NPRL3: variants seen among roughly 807,000 people sequenced by gnomAD.
NPRL3 encodes NPR3 like, GATOR1 complex subunit.
Under a neutral mutation model 57.2 loss-of-function variants are expected in NPRL3, and 23 were observed. The observed-to-expected ratio is 0.40, with a 90% CI of 0.29 to 0.57. The LOEUF (loss-of-function observed/expected upper bound fraction) is 0.57, where lower values mean the gene tolerates loss of function less well. Ranked by LOEUF, NPRL3 falls within the 20% of genes least tolerant of loss-of-function variation. NPRL3 has a pLI of 0.42. For missense variants in NPRL3, 691 were observed against 767.1 expected (o/e 0.90, Z 1.17); for synonymous variants, 333 against 321.1 (o/e 1.04, Z -0.39).
At chr16:112,518 T>C (rs1899860546) in intron 6 of NPRL3, 104 bp downstream of exon 6, 2 of 1,185,716 alleles carry the variant, frequency 1.7e-6, no homozygotes. Flanking sequence ...CCCGCCAACA[T>C]CTGTATCATT....
At chr16:100,096 C>G (rs899332979) in intron 8 of NPRL3, among the ~76,000 whole-genome samples, 1 of 152,062 alleles carries the variant, frequency 6.6e-6, no homozygotes, top group Non-Finnish European at 1.5e-5. Context: ...CTCCGGCCTC[C>G]CCAAGGACAC....
intron 2 of NPRL3, among the ~76,000 whole-genome samples, chr16:134,953 G>C (rs924571621): frequency 6.6e-6 from 1 of 151,688 alleles, no homozygotes; most frequent in Admixed American, 6.6e-5. Context: ...CGCCCGCCTC[G>C]GCCTCCCAAA....
At chr16:129,441 C>G (rs1310178737) in intron 3 of NPRL3, among the ~76,000 whole-genome samples, 1 of 152,150 alleles carries the variant, frequency 6.6e-6, no homozygotes, top group Non-Finnish European at 1.5e-5. Context: ...CCTTCCAAAG[C>G]CCACTCCACT....
intron 1 of NPRL3, 86 bp downstream of exon 1, chr16:138,529 AGTAGGGCAGGGGTGGAGGCGGAGGGGG>A (rs1901249158): frequency 8.2e-4 from 1 of 1,220 alleles, no homozygotes; most frequent in Non-Finnish European, 1.3e-3. Flanking sequence ...AGGGGGCCTG[AGTAGGGCAGGGGTGGAGGCGGAGGGGG>A]CCTGAGGAGG....
chr16:130,651 G>T, intron 2 of NPRL3, 60 bp from the exon 3 acceptor site: 2 of 1,497,018 alleles, frequency 1.3e-6, no homozygotes, highest in South Asian at 1.2e-5. Flanking sequence ...ACACACAGGA[G>T]GGTTATGGAA....
At position 138,326 on chromosome 16, in the gene NPRL3, G is replaced by T. The variant is rs1901223263; in HGVS notation, c.-59C>A. 1 of 844,050 alleles carries T rather than the reference G, an allele frequency of 1.2e-6. No homozygotes were observed. The highest frequency in any genetic ancestry group is 1.5e-6 in the Non-Finnish European group (1 of 667,784). The allele number at this position is 844,050 out of a possible 1,614,324, so 52.3% of individuals were successfully genotyped here. A position where few individuals can be genotyped will look rare whatever the true frequency, so the allele number is the denominator to read the frequency against. ...GCCAGAGGAGGACGGAGCCGGAGGCGGAGGGGGCCTGAGGAGGACGGAGCC... is the reference window on the plus strand; with the variant it reads ...GCCAGAGGAGGACGGAGCCGGAGGCTGAGGGGGCCTGAGGAGGACGGAGCC... On this transcript the variant is annotated 5_prime_UTR_variant, in exon 2 of 14. Coordinates refer to ENST00000611875, the MANE Select transcript of NPRL3 (RefSeq NM_001077350.3).
intron 3 of NPRL3, among the ~76,000 whole-genome samples, chr16:127,856 G>A (rs2857996): frequency 0.41 from 61,899 of 151,306 alleles, 14,620 homozygotes; most frequent in African/African-American, 0.65. Context: ...GGGTTTCACC[G>A]TGTTAGCCAG....
At position 92,579 on chromosome 16, in the gene NPRL3, G is replaced by A. The variant is rs1898806084; in HGVS notation, c.1161+17C>T. ...ACACACCTGCCACTCTGGGCTCCTT[G>A]AGCTTCTGTGACTCACCTCCTGCAC... On this transcript the variant is annotated intron_variant, in intron 11 of 13. Coordinates refer to ENST00000611875, the MANE Select transcript of NPRL3 (RefSeq NM_001077350.3). The A allele has an allele frequency of 2.5e-6, 4 of 1,611,576 alleles. No individual in the cohort carries two copies. Among genetic ancestry groups the A allele is most frequent in the East Asian group, 4.5e-5 (2 of 44,846 alleles).
intron 9 of NPRL3, among the ~76,000 whole-genome samples, chr16:94,125 A>G (rs901103660): frequency 1.3e-5 from 2 of 151,810 alleles, no homozygotes; most frequent in African/African-American, 2.4e-5. Flanking sequence ...CCACCCCTAC[A>G]TACCCAAAGG....
At chr16:115,954 T>A (rs1175192054) in intron 5 of NPRL3, among the ~76,000 whole-genome samples, 1 of 152,260 alleles carries the variant, frequency 6.6e-6, no homozygotes, top group Non-Finnish European at 1.5e-5. Flanking sequence ...TTAATTATTG[T>A]TATAAAAATC....
Position 98,136 on chromosome 16 carries a change from G to T in NPRL3, c.924+9C>A. On this transcript the variant is annotated intron_variant, in intron 9 of 13. Transcript: ENST00000611875. ...CACATGCCACCCATCTGGGCCTCCA[G>T]AGCTATACCTGCAGCAAGGCCAGGT... 4.3e-6 allele frequency: 7 copies of T among 1,612,504 alleles called. No individual in the cohort carries two copies. Among genetic ancestry groups the T allele is most frequent in the Non-Finnish European group, 5.9e-6 (7 of 1,179,240 alleles).
intron 3 of NPRL3, among the ~76,000 whole-genome samples, chr16:124,307 T>G (rs897490073): frequency 1.3e-5 from 2 of 152,144 alleles, no homozygotes; most frequent in African/African-American, 4.8e-5. Flanking sequence ...ACCATATGTA[T>G]TAGCCGGATG....
intron 9 of NPRL3, among the ~76,000 whole-genome samples, chr16:95,340 TATATATATATACACACAC>T (rs1258246683): frequency 7.3e-5 from 4 of 55,062 alleles, no homozygotes; most frequent in Non-Finnish European, 1.4e-4. Flanking sequence ...TATATATATA[TATATATATATACACACAC>T]ACACACACAC....
Position 98,211 on chromosome 16 carries a change from G to A in NPRL3, c.858C>T (p.Ile286=), listed in dbSNP as rs1899104709. The A allele has an allele frequency of 6.2e-7, 1 of 1,613,846 alleles. No individual in the cohort carries two copies. The highest frequency in any genetic ancestry group is 1.7e-5 in the Admixed American group (1 of 60,008). Reference sequence around the variant, plus strand: ...GGTTCTTCACAGCAGATGTGGTCTTGATCACCCGCACTAGGGCAGGGGAGC... The same window carrying A: ...GGTTCTTCACAGCAGATGTGGTCTTAATCACCCGCACTAGGGCAGGGGAGC... ...IDCSPALVRV[I]KTTSAVKNLQ... Residue 286 remains isoleucine, a synonymous_variant, in exon 9 of 14, where the codon ATC becomes ATT. Coordinates refer to ENST00000611875, the MANE Select transcript of NPRL3 (RefSeq NM_001077350.3).
chr16:108,674 T>TTTATTA (rs57499128), intron 7 of NPRL3, among the ~76,000 whole-genome samples: 131,900 of 150,034 alleles, frequency 0.88, 58,160 homozygotes, highest in African/African-American at 0.94. Flanking sequence ...TTTTTTAATT[T>TTTATTA]TTATTATTAT....
intron 2 of NPRL3, among the ~76,000 whole-genome samples, chr16:134,694 A>ATTTTTTTTTTTTTTT (rs34425237): frequency 9.7e-6 from 1 of 103,412 alleles, no homozygotes; most frequent in African/African-American, 3.4e-5. Context: ...AATTATTATT[A>ATTTTTTTTTTTTTTT]TTTTTTTTTT....
intron 5 of NPRL3, among the ~76,000 whole-genome samples, chr16:115,564 C>T (rs1012820380): frequency 6.6e-6 from 1 of 151,218 alleles, no homozygotes. Context: ...CTGCTCACTG[C>T]AACCTCCGCC....
intron 7 of NPRL3, among the ~76,000 whole-genome samples, chr16:104,731 T>C (rs1899455392): frequency 6.6e-6 from 1 of 152,160 alleles, no homozygotes; most frequent in Non-Finnish European, 1.5e-5. Flanking sequence ...CTAACCCAGC[T>C]CCCTAGAGCG....
intron 5 of NPRL3, among the ~76,000 whole-genome samples, chr16:115,804 C>T (rs898491638): frequency 2.0e-5 from 3 of 152,150 alleles, no homozygotes; most frequent in African/African-American, 7.2e-5. Flanking sequence ...TTTTACCTGT[C>T]CGTAATCAAT....
Sources: allele counts gnomAD v4.1 joint callset (sites outside exome capture counted in the v4.1 genomes callset), GRCh38; gene constraint gnomAD v4.1.1; transcripts MANE v1.5; gene names NCBI Gene and HGNC (gene_info 2026-07-23, HGNC 2026-07-21).